The following ZSWIM5 variants were observed in gnomAD, a reference collection of about 807,000 sequenced individuals.
The protein encoded by ZSWIM5 is zinc finger SWIM-type containing 5, also known as zinc finger SWIM domain-containing protein 5.
In ZSWIM5, 55 loss-of-function variants were observed where a neutral mutation model predicts 119.6. The ratio of observed to expected loss-of-function variants is 0.46; its 90% CI spans 0.37 to 0.58. ZSWIM5 has a LOEUF of 0.58. Among genes scored for constraint, ZSWIM5 ranks in the 20% least tolerant of loss-of-function variants. The pLI, the probability that ZSWIM5 is intolerant of heterozygous loss-of-function variation, is 0.00. For synonymous variants in ZSWIM5, 537 were observed against 606.9 expected (o/e 0.88, Z 1.69); for missense variants, 1,193 against 1,512.8 (o/e 0.79, Z 3.51).
At chr1:45,111,453 C>T (rs903393633) in intron 1 of ZSWIM5, among the ~76,000 whole-genome samples, 5 of 151,954 alleles carry the variant, frequency 3.3e-5, no homozygotes, top group Non-Finnish European at 7.4e-5. Context: ...AGTTTCCTAT[C>T]GCTGCTGTAA....
chr1:45,022,139 A>AT lies in ZSWIM5; in HGVS notation c.2450-1352dup, dbSNP rs968576088. Among the ~76,000 whole-genome samples, 184 of 53,742 alleles carry AT rather than the reference A, an allele frequency of 3.4e-3. 4 individuals carry two copies. The highest frequency in any genetic ancestry group is 6.9e-3 in the African/African-American group (173 of 25,036). 35.3% of individuals were successfully genotyped at this position (53,742 alleles called of 152,430 possible). On this transcript the variant is annotated intron_variant, in intron 11 of 13. Transcript: ENST00000359600. ...ATTCTACTTTATTTTATTTTATTTT[A>AT]TTTTTTTTTGAGACGGAGTCTCGTG...
At chr1:45,048,065 CTT>C in intron 5 of ZSWIM5, among the ~76,000 whole-genome samples, 1 of 3,898 alleles carries the variant, frequency 2.6e-4, no homozygotes, top group South Asian at 0.024. Context: ...TTCTTTCTTT[CTT>C]TCCTTTTCTT....
intron 2 of ZSWIM5, chr1:45,069,903 A>G: frequency 2.0e-6 from 1 of 511,554 alleles, no homozygotes; most frequent in Non-Finnish European, 3.5e-6. Context: ...TTCATATTAG[A>G]GGACTGGTAC....
At chr1:45,066,219 T>A (rs1173558125) in intron 2 of ZSWIM5, among the ~76,000 whole-genome samples, 1 of 151,316 alleles carries the variant, frequency 6.6e-6, no homozygotes, top group Non-Finnish European at 1.5e-5. Flanking sequence ...TGTATAGTAT[T>A]CCCCCCCATG....
chr1:45,191,214 T>A (rs1646090843), intron 1 of ZSWIM5, among the ~76,000 whole-genome samples: 1 of 151,704 alleles, frequency 6.6e-6, no homozygotes, highest in Non-Finnish European at 1.5e-5. Flanking sequence ...ATTACAGGCG[T>A]GAGCCACCGC....
chr1:45,166,192 T>C (rs985079142), intron 1 of ZSWIM5, among the ~76,000 whole-genome samples: 11 of 151,656 alleles, frequency 7.3e-5, no homozygotes, highest in African/African-American at 2.4e-4. Flanking sequence ...TAATCCATCA[T>C]ATAAACAGAA....
chr1:45,105,270 G>A (rs1334714428), intron 1 of ZSWIM5, among the ~76,000 whole-genome samples: 1 of 152,150 alleles, frequency 6.6e-6, no homozygotes. Flanking sequence ...GCCCAGGCTG[G>A]AGTGCAGTGG....
intron 8 of ZSWIM5, 46 bp from the exon 9 acceptor site, chr1:45,036,345 GTCT>G: frequency 6.7e-7 from 1 of 1,502,414 alleles, no homozygotes; most frequent in Non-Finnish European, 8.8e-7. Context: ...GCTTGGTAGA[GTCT>G]TCTTTCTTTT....
chr1:45,044,461 C>T (rs954205532), intron 5 of ZSWIM5, among the ~76,000 whole-genome samples: 4 of 150,744 alleles, frequency 2.7e-5, no homozygotes, highest in African/African-American at 9.8e-5. Flanking sequence ...CGGTGGCTCA[C>T]GCCTGTAATC....
chr1:45,118,753 A>G (rs1435328890), intron 1 of ZSWIM5, among the ~76,000 whole-genome samples: 1 of 150,802 alleles, frequency 6.6e-6, no homozygotes, highest in Non-Finnish European at 1.5e-5. Context: ...AAAAAAAAAA[A>G]AAGAAAAGAA....
At chr1:45,077,221 C>T (rs532508862) in intron 2 of ZSWIM5, among the ~76,000 whole-genome samples, 1 of 152,240 alleles carries the variant, frequency 6.6e-6, no homozygotes, top group African/African-American at 2.4e-5. Context: ...TCAGCCTGGG[C>T]TTGTTTGTAC....
At chr1:45,198,243 T>G (rs1274723742) in intron 1 of ZSWIM5, among the ~76,000 whole-genome samples, 1 of 152,212 alleles carries the variant, frequency 6.6e-6, no homozygotes, top group Non-Finnish European at 1.5e-5. Context: ...CTGGAAATTT[T>G]AAACAAGTAG....
At chr1:45,067,462 A>T (rs1249060300) in intron 2 of ZSWIM5, among the ~76,000 whole-genome samples, 1 of 151,982 alleles carries the variant, frequency 6.6e-6, no homozygotes, top group East Asian at 1.9e-4. Flanking sequence ...AAAGAAAGAA[A>T]GAAAGAAAGA....
At chr1:45,123,215 C>T (rs1290190502) in intron 1 of ZSWIM5, among the ~76,000 whole-genome samples, 1 of 152,022 alleles carries the variant, frequency 6.6e-6, no homozygotes, top group Non-Finnish European at 1.5e-5. Flanking sequence ...GGTTTAAAAT[C>T]ACTCGATACA....
At chr1:45,028,830 C>T (rs544633379) in intron 11 of ZSWIM5, among the ~76,000 whole-genome samples, 2 of 152,048 alleles carry the variant, frequency 1.3e-5, no homozygotes, top group Non-Finnish European at 2.9e-5. Context: ...CACCTGTAAT[C>T]CCAGCATTTT....
intron 5 of ZSWIM5, among the ~76,000 whole-genome samples, chr1:45,044,292 G>GA (rs1183234535): frequency 1.3e-5 from 2 of 151,724 alleles, no homozygotes. Flanking sequence ...TTCCCAATAA[G>GA]AAAAAACTGA....
chr1:45,073,232 T>A (rs1024835625), intron 2 of ZSWIM5, among the ~76,000 whole-genome samples: 3 of 149,274 alleles, frequency 2.0e-5, no homozygotes, highest in African/African-American at 7.5e-5. Context: ...ACTGTTCGCA[T>A]ATACAATTGC....
At chr1:45,199,162 G>A (rs551418234) in intron 1 of ZSWIM5, among the ~76,000 whole-genome samples, 3 of 151,886 alleles carry the variant, frequency 2.0e-5, no homozygotes, top group Non-Finnish European at 4.4e-5. Context: ...TAGTGTGTGT[G>A]TAATGTAGGT....
chr1:45,172,229 C>CCGTA (rs1645949860), intron 1 of ZSWIM5, among the ~76,000 whole-genome samples: 1 of 152,044 alleles, frequency 6.6e-6, no homozygotes, highest in African/African-American at 2.4e-5. Flanking sequence ...CTTCCCTATA[C>CCGTA]TTTGTTTTGA....
Sources: gnomAD v4.1 joint callset for allele counts (sites outside exome capture counted in the v4.1 genomes callset) on GRCh38, gnomAD v4.1.1 for gene constraint, MANE v1.5 for transcripts, NCBI Gene and HGNC (gene_info 2026-07-23, HGNC 2026-07-21) for gene names.